ADGRE3: variants seen among roughly 807,000 people sequenced by gnomAD.
ADGRE3 encodes EGF-like module receptor 3.
ADGRE3 carries 88 observed loss-of-function variants against 80.1 expected under a neutral mutation model. The ratio of observed to expected loss-of-function variants is 1.10; its 90% CI spans 0.93 to 1.31. The LOEUF is 1.31. Ranked by LOEUF, ADGRE3 falls within the 40% of genes most tolerant of loss-of-function variation. The probability of loss-of-function intolerance (pLI) is 0.00; values close to 1 mark genes in which losing one functional copy is unlikely to be tolerated. For missense variants in ADGRE3, 715 were observed against 776.5 expected (o/e 0.92, Z 0.94); for synonymous variants, 281 against 294.8 (o/e 0.95, Z 0.48).
At chr19:14,612,779 C>A in the ADGRE3 span, among the ~76,000 whole-genome samples, 12 of 152,142 alleles carry the variant, frequency 7.9e-5, no homozygotes, top group African/African-American at 2.9e-4. Context: ...CCCCACCCGA[C>A]CCTCCTGCCC....
intron 6 of ADGRE3, among the ~76,000 whole-genome samples, chr19:14,652,196 T>C (rs1971624836): frequency 6.6e-6 from 1 of 152,224 alleles, no homozygotes; most frequent in South Asian, 2.1e-4. Flanking sequence ...ATGTGTTAGC[T>C]AATTTGATTG....
intron 10 of ADGRE3, 25 bp from the exon 11 acceptor site, chr19:14,638,365 G>A (rs762097378): frequency 6.3e-7 from 1 of 1,585,042 alleles, no homozygotes; most frequent in Non-Finnish European, 8.7e-7. Flanking sequence ...AGGGATGCCT[G>A]AAGGGGTTGT....
the ADGRE3 span, chr19:14,610,373 G>A: frequency 1.2e-6 from 1 of 831,430 alleles, no homozygotes; most frequent in Non-Finnish European, 1.8e-6. Flanking sequence ...TTTCTAGAGT[G>A]AGGACTTGGG....
chr19:14,654,653 G>T (rs1971703519), intron 6 of ADGRE3, among the ~76,000 whole-genome samples: 1 of 152,006 alleles, frequency 6.6e-6, no homozygotes, highest in Non-Finnish European at 1.5e-5. Flanking sequence ...AGGTATAATT[G>T]ATGTCTAACC....
chr19:14,636,076 CTTTCCCTTT>C (rs1443337775), intron 11 of ADGRE3, among the ~76,000 whole-genome samples: 48 of 69,100 alleles, frequency 6.9e-4, no homozygotes, highest in Non-Finnish European at 1.1e-3. Context: ...CTTTCCTTTC[CTTTCCCTTT>C]CTTTCTTTCT....
At chr19:14,633,386 G>A (rs1394115525) in intron 11 of ADGRE3, 84 bp from the exon 12 acceptor site, 2 of 1,056,244 alleles carry the variant, frequency 1.9e-6, no homozygotes, top group East Asian at 5.4e-5. Context: ...TCCTACCAGA[G>A]AATTGTTTCC....
At position 14,658,051 on chromosome 19, in the gene ADGRE3, C is replaced by T. The variant is rs893622287; in HGVS notation, c.393+462G>A. On this transcript the variant is annotated intron_variant, in intron 5 of 15. Transcript: ENST00000253673. The stretch of plus-strand genomic sequence containing the variant: ...AAGTGCTGGGATTACAGGCGTGAGC[C>T]ACCACGCCAAGCCCGGCAATACTGT... Among the ~76,000 whole-genome samples the T allele has an allele frequency of 3.3e-5, 5 of 152,112 alleles. No individual in the cohort carries two copies. The South Asian group carries it at 6.2e-4, about 19-fold the overall frequency.
the ADGRE3 span, among the ~76,000 whole-genome samples, chr19:14,607,419 G>A: frequency 9.6e-4 from 145 of 151,730 alleles, 5 homozygotes; most frequent in East Asian, 0.024. Flanking sequence ...TAGCCAGGAT[G>A]GTCTTGATCT....
At chr19:14,644,298 G>T (rs968157409) in intron 8 of ADGRE3, 23 bp from the exon 9 acceptor site, 3 of 1,447,762 alleles carry the variant, frequency 2.1e-6, no homozygotes, top group Non-Finnish European at 2.8e-6. Context: ...AATAGAAAGG[G>T]CTCATTGTCT....
intron 7 of ADGRE3, among the ~76,000 whole-genome samples, chr19:14,650,024 A>C (rs1379983013): frequency 4.4e-3 from 381 of 87,336 alleles, no homozygotes; most frequent in East Asian, 5.1e-3. Context: ...CTCTCTTTCC[A>C]TCTCTCTCCC....
chr19:14,667,401 T>G (rs1350345682), intron 2 of ADGRE3, among the ~76,000 whole-genome samples: 1 of 151,890 alleles, frequency 6.6e-6, no homozygotes, highest in Admixed American at 6.6e-5. Context: ...ACCATCTTAG[T>G]GCAGCACTAT....
chr19:14,636,237 T>C (rs1346735231), intron 11 of ADGRE3, among the ~76,000 whole-genome samples: 1 of 147,700 alleles, frequency 6.8e-6, no homozygotes, highest in Non-Finnish European at 1.5e-5. Context: ...TTTTCTTTTT[T>C]TTTTCAGAGT....
At position 14,646,283 on chromosome 19, in the gene ADGRE3, C is replaced by A. The variant is rs902135714; in HGVS notation, c.882+898G>T. 1.1e-3 allele frequency among the ~76,000 whole-genome samples: 162 copies of A among 152,254 alleles called. 1 individual carries two copies. The highest frequency in any genetic ancestry group is 3.8e-3 in the African/African-American group (157 of 41,556). On this transcript the variant is annotated intron_variant, in intron 8 of 15. Coordinates refer to ENST00000253673, the MANE Select transcript of ADGRE3 (RefSeq NM_032571.5). ...GACTACAGGCATGTGCCACCATGCC[C>A]AGCTAATTTTTGTATTTTTAGTAGA...
chr19:14,648,992 C>T (rs563142749), intron 7 of ADGRE3, among the ~76,000 whole-genome samples: 19 of 143,170 alleles, frequency 1.3e-4, no homozygotes, highest in Non-Finnish European at 1.8e-4. Flanking sequence ...CCCCATCTCT[C>T]TCTTTCGATC....
intron 15 of ADGRE3, among the ~76,000 whole-genome samples, chr19:14,620,568 A>ATTTTTT (rs1189295641): frequency 5.4e-4 from 6 of 11,048 alleles, no homozygotes; most frequent in Admixed American, 2.0e-3. Flanking sequence ...ATATATATAT[A>ATTTTTT]TTTTTTTTTT....
chr19:14,616,735 CA>C (rs1412458336), downstream of ADGRE3, among the ~76,000 whole-genome samples: 1 of 150,718 alleles, frequency 6.6e-6, no homozygotes, highest in African/African-American at 2.4e-5. Context: ...AGTGGTTGAA[CA>C]GTGAGGAGGT....
At chr19:14,653,110 G>T (rs765996702) in intron 6 of ADGRE3, among the ~76,000 whole-genome samples, 3 of 151,868 alleles carry the variant, frequency 2.0e-5, no homozygotes, top group Non-Finnish European at 4.4e-5. Flanking sequence ...AGCCTCACAA[G>T]TAGCTGGGAT....
At chr19:14,645,662 GAA>G (rs375323518) in intron 8 of ADGRE3, among the ~76,000 whole-genome samples, 1 of 133,840 alleles carries the variant, frequency 7.5e-6, no homozygotes, top group Admixed American at 7.6e-5. Flanking sequence ...CTCAAAAAAA[GAA>G]AAAAAAAAAA....
chr19:14,616,248 G>T (rs953667797), downstream of ADGRE3, among the ~76,000 whole-genome samples: 1 of 152,076 alleles, frequency 6.6e-6, no homozygotes, highest in Non-Finnish European at 1.5e-5. Flanking sequence ...AGGATTACAG[G>T]TGTGAGCCAC....
Sources: allele counts gnomAD v4.1 joint callset (sites outside exome capture counted in the v4.1 genomes callset), GRCh38; gene constraint gnomAD v4.1.1; transcripts MANE v1.5; gene names NCBI Gene and HGNC (gene_info 2026-07-23, HGNC 2026-07-21).